Variants in ANKRD55 observed in about 807,000 individuals in gnomAD.
The protein encoded by ANKRD55 is ankyrin repeat domain-containing protein 55.
ANKRD55 carries 41 observed loss-of-function variants against 60.6 expected under a neutral mutation model. The ratio of observed to expected loss-of-function variants is 0.68; its 90% CI spans 0.53 to 0.88. The LOEUF (loss-of-function observed/expected upper bound fraction) is 0.88. Among genes scored for constraint, ANKRD55 ranks in the 40% least tolerant of loss-of-function variants. The pLI is 0.00. For synonymous variants in ANKRD55, 264 were observed against 290.3 expected (o/e 0.91, Z 0.92); for missense variants, 732 against 767.6 (o/e 0.95, Z 0.55).
intron 7 of ANKRD55, among the ~76,000 whole-genome samples, chr5:56,135,203 C>A (rs1375200606): frequency 6.7e-6 from 1 of 149,360 alleles, no homozygotes; most frequent in Non-Finnish European, 1.5e-5. Flanking sequence ...GTAAAAATGT[C>A]TCACAACTTT....
chr5:56,131,795 CAAAAAAAAAAAAAA>C (rs34898025), intron 7 of ANKRD55, among the ~76,000 whole-genome samples: 9 of 26,786 alleles, frequency 3.4e-4, no homozygotes, highest in Middle Eastern at 0.038. Flanking sequence ...GACTCCGTCT[CAAAAAAAAAAAAAA>C]AAAAAAAAAA....
At chr5:56,170,843 C>A (rs746800528) in intron 4 of ANKRD55, 40 bp from the exon 5 acceptor site, 2 of 1,566,468 alleles carry the variant, frequency 1.3e-6, no homozygotes, top group South Asian at 2.2e-5. Flanking sequence ...ATAACAGAAG[C>A]TCACGTAACA....
chr5:56,144,010 C>T (rs1757837499), intron 6 of ANKRD55, 81 bp from the exon 7 acceptor site: 1 of 1,581,768 alleles, frequency 6.3e-7, no homozygotes, highest in Admixed American at 1.7e-5. Context: ...TCTCCTCAGG[C>T]CTGGGGGCCA....
rs376277413 is a variant in ANKRD55 at position 56,111,157 on chromosome 5, C to T, written c.1591G>A (p.Val531Met). 3.7e-6 allele frequency: 6 copies of T among 1,614,084 alleles called. No individual in the cohort carries two copies. The highest frequency in any genetic ancestry group is 2.2e-5 in the East Asian group (1 of 44,884). ...SVRPGHQEVS[V>M]PPHLRHLHNP... Reference sequence around the variant, plus strand: ...TGTAGATGGCGAAGGTGTGGTGGCACGGAGACCTCTTGGTGACCAGGCCGG... The same window carrying T: ...TGTAGATGGCGAAGGTGTGGTGGCATGGAGACCTCTTGGTGACCAGGCCGG... The change falls in exon 10 of 12, where the codon GTG becomes ATG. Residue 531 changes from valine (V) to methionine (M), a missense_variant. By Grantham distance (21) the Val-to-Met change is conservative (BLOSUM62 1). Transcript: ENST00000341048.
intron 9 of ANKRD55, among the ~76,000 whole-genome samples, chr5:56,112,791 T>C (rs2111680662): frequency 6.6e-6 from 1 of 152,322 alleles, no homozygotes; most frequent in Non-Finnish European, 1.5e-5. Flanking sequence ...CCCGTGTGTG[T>C]GCCCCTGAGT....
intron 2 of ANKRD55, among the ~76,000 whole-genome samples, chr5:56,185,542 C>T (rs1195021748): frequency 6.6e-6 from 1 of 151,730 alleles, no homozygotes; most frequent in Non-Finnish European, 1.5e-5. Context: ...GTGGTGCATG[C>T]CTGTAATTCC....
At position 56,115,343 on chromosome 5, in the gene ANKRD55, C is replaced by T. The variant is rs868748344; in HGVS notation, c.965+1272G>A. Among the ~76,000 whole-genome samples the T allele has an allele frequency of 6.2e-4, 89 of 143,618 alleles. 1 individual carries two copies. The highest frequency in any genetic ancestry group is 2.2e-3 in the African/African-American group (84 of 38,748). 94.2% of individuals were successfully genotyped at this position (143,618 alleles called of 152,430 possible). ...ATTCTATTTTTTTTTTTTTTTGAGA[C>T]GGTCTTGCTCTGTCATCCAGGCTGG... is the stretch of plus-strand genomic sequence containing the variant. On this transcript the variant is annotated intron_variant, in intron 9 of 11. Coordinates refer to ENST00000341048, the MANE Select transcript of ANKRD55 (RefSeq NM_024669.3).
intron 6 of ANKRD55, among the ~76,000 whole-genome samples, chr5:56,159,461 T>TA (rs138795262): frequency 1.3e-3 from 182 of 141,840 alleles, no homozygotes; most frequent in Non-Finnish European, 2.0e-3. Flanking sequence ...AACTCCATCT[T>TA]AAAAAAAAAA....
rs1757115759 is a variant in ANKRD55 at position 56,122,906 on chromosome 5, C to T, written c.797+4016G>A. Among the ~76,000 whole-genome samples the T allele has an allele frequency of 2.6e-5, 4 of 151,730 alleles. 1 individual carries two copies. In the South Asian group the frequency reaches 8.3e-4, roughly 32 times the overall value. On this transcript the variant is annotated intron_variant, in intron 8 of 11. Transcript: ENST00000341048. Reference sequence around the variant, plus strand: ...TCAGCCCCCTGAGTAGCTGGGACTACAGGCATGTACCACTATGTCCGGCTA... The same window carrying T: ...TCAGCCCCCTGAGTAGCTGGGACTATAGGCATGTACCACTATGTCCGGCTA...
chr5:56,169,738 A>G (rs1315297587), intron 5 of ANKRD55, among the ~76,000 whole-genome samples: 1 of 152,166 alleles, frequency 6.6e-6, no homozygotes, highest in Non-Finnish European at 1.5e-5. Context: ...TTCAGGTTTT[A>G]GTTCTGGACA....
intron 2 of ANKRD55, among the ~76,000 whole-genome samples, chr5:56,232,187 C>G (rs931322056): frequency 1.7e-4 from 26 of 152,186 alleles, no homozygotes; most frequent in Non-Finnish European, 3.4e-4. Context: ...ACATAGACCA[C>G]ATGGCCAAAT....
rs776686269 is a variant in ANKRD55 at position 56,102,539 on chromosome 5, G to C, written c.1678C>G (p.Leu560Val). 1 of 1,613,818 alleles carries C rather than the reference G, an allele frequency of 6.2e-7. No homozygotes were observed. Among genetic ancestry groups the C allele is most frequent in the South Asian group, 1.1e-5 (1 of 91,072 alleles). ...GCTAGGTTGTTCCGAGTGAAAGGAA[G>C]ATCCCTGATTTTGTGTCTGTTTGGG... Reference protein sequence around the residue: ...LSPNRHKIRDLPFTRNNLAPL... With the variant: ...LSPNRHKIRDVPFTRNNLAPL... Residue 560 changes from leucine to valine, a missense_variant, in exon 11 of 12, where the codon CTT becomes GTT. Coordinates refer to ENST00000341048, the MANE Select transcript of ANKRD55 (RefSeq NM_024669.3).
chr5:56,205,761 C>A (rs1381912099), intron 2 of ANKRD55, among the ~76,000 whole-genome samples: 1 of 152,054 alleles, frequency 6.6e-6, no homozygotes, highest in East Asian at 1.9e-4. Flanking sequence ...GCCTTGGTCT[C>A]CTGAAAATAG....
intron 2 of ANKRD55, among the ~76,000 whole-genome samples, chr5:56,225,273 A>G (rs1173034824): frequency 6.6e-6 from 1 of 152,234 alleles, no homozygotes; most frequent in African/African-American, 2.4e-5. Flanking sequence ...GCTTTCGACA[A>G]AATTCAACAG....
chr5:56,161,996 C>T, intron 5 of ANKRD55: 1 of 985,410 alleles, frequency 1.0e-6, no homozygotes, highest in Non-Finnish European at 1.2e-6. Context: ...GACTGTGCTT[C>T]TCCTTTCTTT....
chr5:56,225,930 C>T (rs942282140), intron 2 of ANKRD55, among the ~76,000 whole-genome samples: 2 of 152,156 alleles, frequency 1.3e-5, no homozygotes, highest in Non-Finnish European at 2.9e-5. Context: ...AGATTCAATG[C>T]CATCCCCGTC....
Position 56,100,229 on chromosome 5 carries a change from GC to G in ANKRD55, c.1798del (p.Ala600GlnfsTer25). The stretch of plus-strand genomic sequence containing the variant: ...GTTGGCAGAATGTTCACTCTCTTCT[GC>G]TGCTGTGCTGTGTCTTCGTTGACTT... ...IPSQRRHSTA[A>X]EESEHSANPT... On this transcript the variant is annotated frameshift_variant, in exon 12 of 12. Transcript: ENST00000341048. LOFTEE classifies it low-confidence loss of function (END_TRUNC). 1 of 1,614,166 alleles carries G rather than the reference GC, an allele frequency of 6.2e-7. No individual in the cohort carries two copies. The highest frequency in any genetic ancestry group is 8.5e-7 in the Non-Finnish European group (1 of 1,180,032).
At chr5:56,102,249 G>C (rs1756303456) in intron 11 of ANKRD55, among the ~76,000 whole-genome samples, 1 of 152,086 alleles carries the variant, frequency 6.6e-6, no homozygotes, top group Non-Finnish European at 1.5e-5. Flanking sequence ...AATTAGCCAG[G>C]CGTGGTGGCA....
intron 5 of ANKRD55, among the ~76,000 whole-genome samples, chr5:56,166,859 T>C (rs1282456374): frequency 6.6e-6 from 1 of 152,240 alleles, no homozygotes; most frequent in Non-Finnish European, 1.5e-5. Flanking sequence ...ATAGAATTTT[T>C]CGGAGGTGCT....
Sources: allele counts gnomAD v4.1 joint callset (sites outside exome capture counted in the v4.1 genomes callset), GRCh38; gene constraint gnomAD v4.1.1; transcripts MANE v1.5; gene names NCBI Gene and HGNC (gene_info 2026-07-23, HGNC 2026-07-21).